The following ASTL variants were observed in gnomAD, a reference collection of about 807,000 sequenced individuals.
The protein encoded by ASTL is astacin-like metalloendopeptidase.
ASTL carries 27 observed loss-of-function variants against 36.7 expected under a neutral mutation model. The observed-to-expected ratio is 0.73, with a 90% CI of 0.54 to 1.01. The LOEUF (loss-of-function observed/expected upper bound fraction) is 1.01, where lower values mean the gene tolerates loss of function less well. ASTL is among the 50% of genes least tolerant of loss of function. The probability of loss-of-function intolerance (pLI) is 0.00; values close to 1 mark genes in which losing one functional copy is unlikely to be tolerated. For synonymous variants in ASTL, 222 were observed against 228.1 expected, an observed-to-expected ratio of 0.97 and a Z score of 0.24; for missense variants, 524 against 572.8, an observed-to-expected ratio of 0.91 and a Z score of 0.87.
intron 6 of ASTL, among the ~76,000 whole-genome samples, chr2:96,131,213 T>C (rs1010414083): frequency 2.6e-5 from 4 of 152,252 alleles, no homozygotes; most frequent in African/African-American, 9.6e-5. Context: ...TTGTTCTGTT[T>C]ACTGATACGT....
intron 8 of ASTL, among the ~76,000 whole-genome samples, chr2:96,125,284 G>A (rs1682043186): frequency 1.3e-5 from 2 of 152,192 alleles, no homozygotes; most frequent in South Asian, 4.2e-4. Flanking sequence ...TCTCCAGTCA[G>A]CGGAGGCACA....
intron 6 of ASTL, among the ~76,000 whole-genome samples, chr2:96,130,362 TGGC>T (rs1252839827): frequency 1.3e-5 from 2 of 152,108 alleles, no homozygotes; most frequent in Non-Finnish European, 2.9e-5. Context: ...AGGGACCCCA[TGGC>T]TGGCCAACCA....
rs184519754 is a variant in ASTL at position 96,135,359 on chromosome 2, T to C, written c.235A>G (p.Ile79Val). ...ESSFLIEGDI[I>V]RPSPFRLLSA... Reference sequence around the variant, plus strand: ...TCAGTGTGTGCACTCACCGGCCGGATGATGTCCCCCTCGATGAGGAAGCTG... The same window carrying C: ...TCAGTGTGTGCACTCACCGGCCGGACGATGTCCCCCTCGATGAGGAAGCTG... Residue 79 changes from isoleucine (I) to valine (V), a missense_variant, in exon 3 of 9, where the codon ATC becomes GTC. Physicochemically the swap from Ile to Val is conservative, Grantham distance 29. Transcript: ENST00000342380. 1 of 1,614,110 alleles carries C rather than the reference T, an allele frequency of 6.2e-7. No individual in the cohort carries two copies. Among genetic ancestry groups the C allele is most frequent in the Non-Finnish European group, 8.5e-7 (1 of 1,179,944 alleles).
chr2:96,138,301 G>T, intron 1 of ASTL, 81 bp downstream of exon 1: 2 of 1,313,412 alleles, frequency 1.5e-6, no homozygotes, highest in Admixed American at 2.0e-5. Context: ...ATCCCTGCAG[G>T]CTCCAGCCAC....
Position 96,130,118 on chromosome 2 carries a change from T to C in ASTL, c.665A>G (p.Gln222Arg), listed in dbSNP as rs749458. ...PGFEINFIKS[Q>R]SSNMLTPYDY... ...ATAGGGCGTCAGCATGTTGCTGCTC[T>C]GAGACTTGATGAAGTTGATTTCAAA... Residue 222 changes from glutamine (Q) to arginine (R), a missense_variant, in exon 7 of 9, where the codon CAG becomes CGG. Gln to Arg is a conservative substitution (Grantham distance 43, BLOSUM62 1). Coordinates refer to ENST00000342380, the MANE Select transcript of ASTL (RefSeq NM_001002036.4). The C allele has an allele frequency of 0.83, 1,335,235 of 1,613,232 alleles. 555,627 individuals carry two copies. Among genetic ancestry groups the C allele is most frequent in the East Asian group, 1 (44,866 of 44,882 alleles).
At chr2:96,128,209 G>A (rs1415859316) in intron 8 of ASTL, among the ~76,000 whole-genome samples, 2 of 146,088 alleles carry the variant, frequency 1.4e-5, no homozygotes, top group Non-Finnish European at 3.0e-5. Flanking sequence ...TCCAGCCTGG[G>A]CAAAAAGAGT....
chr2:96,135,707 C>T (rs1480310780), intron 2 of ASTL, among the ~76,000 whole-genome samples: 3 of 152,148 alleles, frequency 2.0e-5, no homozygotes, highest in Non-Finnish European at 4.4e-5. Context: ...GGGGTCTGTC[C>T]CTCTCCTGAC....
At position 96,132,460 on chromosome 2, in the gene ASTL, CATGGGG is replaced by C. The variant is rs1682199665; in HGVS notation, c.637+74_637+79del. 1.7e-5 allele frequency: 23 copies of C among 1,349,376 alleles called. 1 individual carries two copies. The South Asian group carries it at 2.8e-4, about 17-fold the overall frequency. 83.6% of individuals were successfully genotyped at this position (1,349,376 alleles called of 1,614,324 possible). A position where few individuals can be genotyped will look rare whatever the true frequency, so the allele number is the denominator to read the frequency against. On this transcript the variant is annotated intron_variant, in intron 6 of 8. Transcript: ENST00000342380. This position sits in a 1 kb window ranked among gnomAD's most constrained non-coding sequence, Gnocchi z 5.4. ...GATGGGGAGGATGGATAGCCTCACC[CATGGGG>C]ACCAGGCGACTTGGGCCCAAGCCGT...
chr2:96,133,488 G>C lies in ASTL; in HGVS notation c.392C>G (p.Thr131Arg). ...CTGATAGGTGACAAACCTGATGCACGTGGAACGTTCAAACTCCGCAAGAGC... is the reference window on the plus strand; with the variant it reads ...CTGATAGGTGACAAACCTGATGCACCTGGAACGTTCAAACTCCGCAAGAGC... ...LEALAEFERS[T>R]CIRFVTYQDQ... The change falls in exon 5 of 9, where the codon ACG (threonine) becomes AGG (arginine). Residue 131 changes from threonine to arginine, a missense_variant. Coordinates refer to ENST00000342380, the MANE Select transcript of ASTL (RefSeq NM_001002036.4). The C allele has an allele frequency of 1.2e-6, 2 of 1,614,188 alleles. No individual in the cohort carries two copies. The highest frequency in any genetic ancestry group is 1.7e-6 in the Non-Finnish European group (2 of 1,180,010).
rs1681990515 is a variant in ASTL at position 96,123,090 on chromosome 2, T to A, written c.*760A>T. The stretch of plus-strand genomic sequence containing the variant: ...AGCTGGGGCAGAGGAGGAAGGGGGC[T>A]TTCCTGGAGGAGGACAAGCCAGGTA... On this transcript the variant is annotated 3_prime_UTR_variant, in exon 9 of 9. Coordinates refer to ENST00000342380, the MANE Select transcript of ASTL (RefSeq NM_001002036.4). Among the ~76,000 whole-genome samples the A allele has an allele frequency of 6.6e-6, 1 of 152,208 alleles. No individual in the cohort carries two copies. The highest frequency in any genetic ancestry group is 2.4e-5 in the African/African-American group (1 of 41,454).
In ASTL at chr2:96,132,780, G is replaced by C; in HGVS notation, c.456-59C>G. 6.7e-7 allele frequency: 1 copy of C among 1,488,590 alleles called. No individual in the cohort carries two copies. Among genetic ancestry groups the C allele is most frequent in the Non-Finnish European group, 9.1e-7 (1 of 1,093,182 alleles). 92.2% of individuals were successfully genotyped at this position (1,488,590 alleles called of 1,614,324 possible). ...CAGCCCAGATCCCTCCGGACATACAGACCTGGGCTCTCCCTCCCCACACAA... is the reference window on the plus strand; with the variant it reads ...CAGCCCAGATCCCTCCGGACATACACACCTGGGCTCTCCCTCCCCACACAA... On this transcript the variant is annotated intron_variant, in intron 5 of 8. Coordinates refer to ENST00000342380, the MANE Select transcript of ASTL (RefSeq NM_001002036.4). This position sits in a 1 kb window ranked among gnomAD's most constrained non-coding sequence, Gnocchi z 5.4.
At chr2:96,133,368 A>C in intron 5 of ASTL, 57 bp downstream of exon 5, 1 of 1,200,470 alleles carries the variant, frequency 8.3e-7, no homozygotes, top group South Asian at 1.2e-5. Flanking sequence ...TGGCCAAGTT[A>C]ATTCCGGGCT....
intron 2 of ASTL, 135 bp from the exon 3 acceptor site, chr2:96,135,547 A>G (rs1361486891): frequency 1.4e-6 from 1 of 739,282 alleles, no homozygotes; most frequent in African/African-American, 1.8e-5. Flanking sequence ...TAAGTTCTTA[A>G]ATAGCCTGAT....
chr2:96,123,781 CAAGAGG>C lies in ASTL; in HGVS notation c.*63_*68del. 7.3e-7 allele frequency: 1 copy of C among 1,378,340 alleles called. No individual in the cohort carries two copies. Among genetic ancestry groups the C allele is most frequent in the South Asian group, 1.3e-5 (1 of 76,964 alleles). The allele number at this position is 1,378,340 out of a possible 1,614,324, so 85.4% of individuals were successfully genotyped here. The stretch of plus-strand genomic sequence containing the variant: ...AGACAGTGGTGTGGCCCAAAGGAGC[CAAGAGG>C]TAGACGACCCAGCTCCACTGGGCAG... On this transcript the variant is annotated 3_prime_UTR_variant, in exon 9 of 9. Transcript: ENST00000342380.
rs1682231332 is a variant in ASTL, at chr2:96,133,538, C to A, written c.342G>T (p.Glu114Asp). ...CCTCCAGGATGACCTGGCGGCTGGG[C>A]TCATCTGGAAGACACCACCTGGCTG... ...VPFLLSSKYDEPSRQVILEAL... is the reference protein window; with the variant it reads ...VPFLLSSKYDDPSRQVILEAL... Residue 114 changes from glutamate (E) to aspartate (D), a missense_variant, in exon 5 of 9, where the codon GAG becomes GAT. Transcript: ENST00000342380. 5 of 1,613,276 alleles carry A rather than the reference C, an allele frequency of 3.1e-6. No individual in the cohort carries two copies. The highest frequency in any genetic ancestry group is 4.2e-6 in the Non-Finnish European group (5 of 1,179,250).
intron 2 of ASTL, 31 bp downstream of exon 2, chr2:96,137,544 T>C: frequency 6.2e-7 from 1 of 1,608,174 alleles, no homozygotes; most frequent in Non-Finnish European, 8.5e-7. Flanking sequence ...GTCGTGCCCC[T>C]CCAGGCCGTG....
chr2:96,127,831 C>T (rs941966137), intron 8 of ASTL, among the ~76,000 whole-genome samples: 1 of 152,222 alleles, frequency 6.6e-6, no homozygotes, highest in Non-Finnish European at 1.5e-5. Flanking sequence ...CCACCTCAGC[C>T]TCCCAAAGTG....
At chr2:96,138,560 C>T, upstream of ASTL, 1 of 796,760 alleles carries the variant, frequency 1.3e-6, no homozygotes, top group Non-Finnish European at 2.1e-6. Context: ...CACCTTGCTC[C>T]CCTCAACCGC....
chr2:96,133,478 C>T lies in ASTL; in HGVS notation c.402G>A (p.Arg134=). 2 of 1,614,192 alleles carry T rather than the reference C, an allele frequency of 1.2e-6. No homozygotes were observed. The highest frequency in any genetic ancestry group is 1.7e-6 in the Non-Finnish European group (2 of 1,180,018). ...LAEFERSTCI[R]FVTYQDQRDF... The stretch of plus-strand genomic sequence containing the variant: ...CTCTCTGGTCCTGATAGGTGACAAA[C>T]CTGATGCACGTGGAACGTTCAAACT... The change falls in exon 5 of 9, where the codon AGG becomes AGA. Residue 134 remains arginine, a synonymous_variant. Transcript: ENST00000342380.
Sources: allele counts gnomAD v4.1 joint callset (sites outside exome capture counted in the v4.1 genomes callset), GRCh38; gene constraint gnomAD v4.1.1; non-coding constraint Gnocchi (gnomAD v3.1); transcripts MANE v1.5; gene names NCBI Gene and HGNC (gene_info 2026-07-23, HGNC 2026-07-21).